The following TMEM163 variants were observed in gnomAD, a reference collection of about 807,000 sequenced individuals.
The protein encoded by TMEM163 is transmembrane protein 163.
In TMEM163, 17 loss-of-function variants were observed where a neutral mutation model predicts 29.3. That is an observed-to-expected ratio of 0.58 (90% CI 0.40 to 0.87). TMEM163 has a LOEUF of 0.87. TMEM163 is among the 40% of genes least tolerant of loss of function. TMEM163 has a pLI of 0.00. For missense variants in TMEM163, 303 were observed against 381.5 expected (o/e 0.79, Z 1.71); for synonymous variants, 157 against 160.6 (o/e 0.98, Z 0.17).
chr2:134,698,628 T>C (rs1169000753), intron 2 of TMEM163, among the ~76,000 whole-genome samples: 3 of 152,158 alleles, frequency 2.0e-5, no homozygotes. Flanking sequence ...TTTCTGTTTC[T>C]TATCTTCTTG....
chr2:134,503,037 C>T, intron 4 of TMEM163, 40 bp from the exon 5 acceptor site: 4 of 1,548,014 alleles, frequency 2.6e-6, no homozygotes, highest in South Asian at 2.3e-5. Flanking sequence ...ACTGGGAGAA[C>T]TCACACTGCT....
chr2:134,604,814 A>G (rs1045531471), intron 2 of TMEM163, among the ~76,000 whole-genome samples: 5 of 152,234 alleles, frequency 3.3e-5, no homozygotes, highest in Non-Finnish European at 5.9e-5. Context: ...TCTCAACTTT[A>G]CTAATAACAG....
At chr2:134,617,332 C>A (rs549254962) in intron 2 of TMEM163, among the ~76,000 whole-genome samples, 1 of 152,154 alleles carries the variant, frequency 6.6e-6, no homozygotes, top group African/African-American at 2.4e-5. Flanking sequence ...AGGAATTGGC[C>A]AGGTGCACTG....
chr2:134,577,968 T>C (rs778682503), intron 2 of TMEM163, among the ~76,000 whole-genome samples: 21 of 152,244 alleles, frequency 1.4e-4, no homozygotes, highest in Non-Finnish European at 1.8e-4. Context: ...TACTATCCCA[T>C]TTCACATCAG....
intron 2 of TMEM163, among the ~76,000 whole-genome samples, chr2:134,623,541 G>A (rs1184143361): frequency 6.6e-6 from 1 of 152,166 alleles, no homozygotes; most frequent in East Asian, 1.9e-4. Flanking sequence ...GCTGAGGCGG[G>A]CAGATCACAT....
chr2:134,676,449 T>C (rs1455636576), intron 2 of TMEM163, among the ~76,000 whole-genome samples: 1 of 152,224 alleles, frequency 6.6e-6, no homozygotes. Flanking sequence ...AGTACTGCAG[T>C]AGATATAGAT....
rs543616754 is a variant in TMEM163 at position 134,713,213 on chromosome 2, C to T, written c.309G>A (p.Ala103=). The change falls in exon 2 of 8, where the codon GCG becomes GCA. Residue 103 remains alanine (A), a synonymous_variant. Coordinates refer to ENST00000281924, the MANE Select transcript of TMEM163 (RefSeq NM_030923.5). Reference sequence around the variant, plus strand: ...CTTGATACTCACTAAAGGCAGCCACCGCGAGGGCCAGGGTGACAATGATGG... The same window carrying T: ...CTTGATACTCACTAAAGGCAGCCACTGCGAGGGCCAGGGTGACAATGATGG... ...WFSIIVTLAL[A]VAAFTVSVMR... is the part of the protein sequence containing the mutation. 8 of 1,613,852 alleles carry T rather than the reference C, an allele frequency of 5.0e-6. No homozygotes were observed. The highest frequency in any genetic ancestry group is 2.2e-5 in the East Asian group (1 of 44,876).
intron 5 of TMEM163, among the ~76,000 whole-genome samples, chr2:134,490,737 T>A (rs1351138622): frequency 6.6e-6 from 1 of 152,140 alleles, no homozygotes; most frequent in Non-Finnish European, 1.5e-5. Context: ...CTATGATAGA[T>A]GGAGGCTGGA....
intron 4 of TMEM163, among the ~76,000 whole-genome samples, chr2:134,533,394 G>T (rs1306876570): frequency 6.6e-6 from 1 of 152,212 alleles, no homozygotes; most frequent in Non-Finnish European, 1.5e-5. Context: ...ATATGGGTGT[G>T]CATCACACTT....
chr2:134,558,189 A>G (rs1681090087), intron 2 of TMEM163, among the ~76,000 whole-genome samples: 1 of 152,194 alleles, frequency 6.6e-6, no homozygotes, highest in Non-Finnish European at 1.5e-5. Context: ...TTCTAGGTCA[A>G]ATCACCTACA....
intron 5 of TMEM163, among the ~76,000 whole-genome samples, chr2:134,492,526 G>A (rs919605269): frequency 1.3e-5 from 2 of 152,010 alleles, no homozygotes; most frequent in Admixed American, 1.3e-4. Flanking sequence ...TCCACCTCTA[G>A]CCTCAGGCAA....
chr2:134,660,446 G>A (rs887740731), intron 2 of TMEM163, among the ~76,000 whole-genome samples: 1 of 152,144 alleles, frequency 6.6e-6, no homozygotes, highest in African/African-American at 2.4e-5. Context: ...ACTCACAAAT[G>A]GACTGGATAC....
chr2:134,523,258 G>A (rs1396547581), intron 4 of TMEM163, among the ~76,000 whole-genome samples: 4 of 152,212 alleles, frequency 2.6e-5, no homozygotes, highest in Middle Eastern at 3.4e-3. Context: ...GGGTCGGAGC[G>A]TCTGTGTGCT....
intron 4 of TMEM163, among the ~76,000 whole-genome samples, chr2:134,540,162 C>T (rs901371588): frequency 3.9e-5 from 6 of 152,244 alleles, no homozygotes; most frequent in African/African-American, 1.4e-4. Context: ...TTGGCAAATG[C>T]TTCCTGGCAG....
intron 2 of TMEM163, among the ~76,000 whole-genome samples, chr2:134,709,195 T>C (rs758358801): frequency 2.0e-5 from 3 of 152,186 alleles, no homozygotes; most frequent in Non-Finnish European, 4.4e-5. Flanking sequence ...TCCACATTTG[T>C]TCATAACAGG....
At chr2:134,502,539 A>G (rs1679719730) in intron 5 of TMEM163, among the ~76,000 whole-genome samples, 2 of 152,218 alleles carry the variant, frequency 1.3e-5, no homozygotes. Context: ...TTCTTAATAC[A>G]ACGATCATTG....
At chr2:134,666,864 A>C (rs1205313576) in intron 2 of TMEM163, among the ~76,000 whole-genome samples, 1 of 152,232 alleles carries the variant, frequency 6.6e-6, no homozygotes, top group African/African-American at 2.4e-5. Context: ...CGATAAATGT[A>C]AACTGTCACC....
chr2:134,679,835 A>G (rs4440018), intron 2 of TMEM163, among the ~76,000 whole-genome samples: 88,146 of 150,896 alleles, frequency 0.58, 27,127 homozygotes, highest in African/African-American at 0.64. Context: ...ATTATGGGGA[A>G]GTGATGAGCT....
intron 2 of TMEM163, among the ~76,000 whole-genome samples, chr2:134,694,630 G>A (rs1487297688): frequency 6.6e-6 from 1 of 152,120 alleles, no homozygotes; most frequent in African/African-American, 2.4e-5. Flanking sequence ...TCAGGAGACT[G>A]GTACATCAAT....
Sources: allele counts gnomAD v4.1 joint callset (sites outside exome capture counted in the v4.1 genomes callset), GRCh38; gene constraint gnomAD v4.1.1; transcripts MANE v1.5; gene names NCBI Gene and HGNC (gene_info 2026-07-23, HGNC 2026-07-21).